The following LARP1B variants were observed in gnomAD, a reference collection of about 807,000 sequenced individuals.
LARP1B encodes la-related protein 1B.
A neutral mutation model predicts 114.2 loss-of-function variants in LARP1B; 76 were observed. The ratio of observed to expected loss-of-function variants is 0.67; its 90% confidence interval spans 0.55 to 0.81. LARP1B has a LOEUF of 0.81. LARP1B is among the 30% of genes least tolerant of loss of function. The pLI is 0.00. For missense variants in LARP1B, 1,014 were observed against 1,075.8 expected, an observed-to-expected ratio of 0.94 and a Z score of 0.80; for synonymous variants, 345 against 348.0, an observed-to-expected ratio of 0.99 and a Z score of 0.10.
chr4:128,152,324 C>T (rs1052497055), intron 11 of LARP1B, among the ~76,000 whole-genome samples: 5 of 151,456 alleles, frequency 3.3e-5, no homozygotes, highest in African/African-American at 1.2e-4. Context: ...CTGCCTTAGC[C>T]TCCCGAGTAG....
At chr4:128,169,664 T>C (rs751133777) in intron 12 of LARP1B, among the ~76,000 whole-genome samples, 59 of 152,244 alleles carry the variant, frequency 3.9e-4, no homozygotes, top group Non-Finnish European at 6.9e-4. Flanking sequence ...AATCTCGGAG[T>C]CTCGCCCTGT....
chr4:128,216,983 T>TACTACCC (rs1399843969), downstream of LARP1B, among the ~76,000 whole-genome samples: 1 of 150,962 alleles, frequency 6.6e-6, no homozygotes, highest in Non-Finnish European at 1.5e-5. Context: ...CCCACAGAAA[T>TACTACCC]ACAAACTACC....
chr4:128,094,399 T>C (rs1383901673), intron 7 of LARP1B, among the ~76,000 whole-genome samples: 1 of 149,328 alleles, frequency 6.7e-6, no homozygotes, highest in East Asian at 2.0e-4. Flanking sequence ...TTTTTCTTTT[T>C]CTTTTTTTTT....
chr4:128,169,090 G>A (rs766368181), intron 12 of LARP1B, among the ~76,000 whole-genome samples: 3 of 151,672 alleles, frequency 2.0e-5, no homozygotes, highest in Admixed American at 6.6e-5. Context: ...TTTACTGTTC[G>A]TAGGTTCTGT....
At chr4:128,205,681 A>T (rs1757381650) in intron 17 of LARP1B, among the ~76,000 whole-genome samples, 1 of 89,602 alleles carries the variant, frequency 1.1e-5, no homozygotes. Context: ...GATCTAGGGC[A>T]CAGCCGTACA....
intron 7 of LARP1B, among the ~76,000 whole-genome samples, chr4:128,221,686 T>G (rs1417933433): frequency 6.6e-6 from 1 of 152,242 alleles, no homozygotes; most frequent in African/African-American, 2.4e-5. Context: ...GTTAACATTT[T>G]CTGGTTTCCA....
At chr4:128,152,336 T>A in intron 11 of LARP1B, among the ~76,000 whole-genome samples, 1 of 151,456 alleles carries the variant, frequency 6.6e-6, no homozygotes, top group East Asian at 2.0e-4. Flanking sequence ...CCCGAGTAGC[T>A]TGGACTACAG....
intron 17 of LARP1B, among the ~76,000 whole-genome samples, chr4:128,202,822 A>G (rs763598739): frequency 3.9e-5 from 6 of 152,316 alleles, no homozygotes; most frequent in Non-Finnish European, 7.4e-5. Flanking sequence ...AGTCCTTGAA[A>G]TCAGGACTAT....
chr4:128,062,671 G>A (rs961274944), intron 1 of LARP1B, among the ~76,000 whole-genome samples: 2 of 145,812 alleles, frequency 1.4e-5, no homozygotes, highest in African/African-American at 5.1e-5. Flanking sequence ...AAGCGCGATT[G>A]TAGTCTTTTG....
chr4:128,172,474 C>T (rs1385460440), intron 12 of LARP1B, among the ~76,000 whole-genome samples: 1 of 152,124 alleles, frequency 6.6e-6, no homozygotes, highest in African/African-American at 2.4e-5. Context: ...GGGTGTATCA[C>T]CTGAGGTCAG....
intron 12 of LARP1B, among the ~76,000 whole-genome samples, chr4:128,172,304 T>C (rs1418001939): frequency 2.0e-5 from 3 of 152,214 alleles, no homozygotes; most frequent in African/African-American, 7.2e-5. Context: ...TTTCTTGTGC[T>C]TGAACTCACT....
At chr4:128,173,882 A>G (rs189054817) in intron 12 of LARP1B, among the ~76,000 whole-genome samples, 19 of 152,336 alleles carry the variant, frequency 1.2e-4, no homozygotes, top group African/African-American at 4.1e-4. Context: ...GAACAATTCC[A>G]TCATACTAAA....
chr4:128,139,700 A>G (rs566153290), intron 11 of LARP1B, among the ~76,000 whole-genome samples: 10 of 152,332 alleles, frequency 6.6e-5, no homozygotes, highest in African/African-American at 2.2e-4. Flanking sequence ...CTTATAAGAC[A>G]TGAACAAACT....
intron 5 of LARP1B, among the ~76,000 whole-genome samples, chr4:128,083,317 C>A (rs964363740): frequency 6.6e-5 from 10 of 152,156 alleles, no homozygotes; most frequent in African/African-American, 1.7e-4. Flanking sequence ...GGCCCGTTCT[C>A]AATGAGCTGT....
intron 15 of LARP1B, among the ~76,000 whole-genome samples, chr4:128,184,339 C>G (rs771839713): frequency 2.0e-5 from 3 of 152,176 alleles, no homozygotes; most frequent in African/African-American, 2.4e-5. Flanking sequence ...CAGCAGCCAT[C>G]AGCATCGAGG....
chr4:128,174,375 A>T (rs1745042441), intron 12 of LARP1B, among the ~76,000 whole-genome samples: 1 of 151,988 alleles, frequency 6.6e-6, no homozygotes, highest in Non-Finnish European at 1.5e-5. Context: ...ATTTACTATG[A>T]ATATTTTATG....
intron 17 of LARP1B, among the ~76,000 whole-genome samples, chr4:128,204,857 T>C (rs1419203199): frequency 1.0e-5 from 1 of 97,908 alleles, no homozygotes; most frequent in African/African-American, 2.9e-5. Context: ...CCCACAAAAA[T>C]TTTAAAAATT....
At chr4:128,149,598 GC>G (rs1731789879) in intron 11 of LARP1B, among the ~76,000 whole-genome samples, 1 of 152,184 alleles carries the variant, frequency 6.6e-6, no homozygotes, top group Admixed American at 6.5e-5. Context: ...AGGGACATTA[GC>G]AAGGAAAACC....
chr4:128,131,232 T>C (rs998267002), intron 11 of LARP1B, among the ~76,000 whole-genome samples: 1 of 152,172 alleles, frequency 6.6e-6, no homozygotes, highest in African/African-American at 2.4e-5. Flanking sequence ...AGGTTGTATG[T>C]GTTTGGGTGC....
Sources: gnomAD v4.1 joint callset for allele counts (sites outside exome capture counted in the v4.1 genomes callset) on GRCh38, gnomAD v4.1.1 for gene constraint, MANE v1.5 for transcripts, NCBI Gene and HGNC (gene_info 2026-07-23, HGNC 2026-07-21) for gene names.